PROX2: variants seen among roughly 807,000 people sequenced by gnomAD.
The protein encoded by PROX2 is prospero homeobox 2.
A neutral mutation model predicts 48.9 loss-of-function variants in PROX2; 46 were observed. That is an observed-to-expected ratio of 0.94 (90% CI 0.74 to 1.20). PROX2 has a LOEUF of 1.20. Ranked by LOEUF, PROX2 falls within the 50% of genes most tolerant of loss-of-function variation. The probability of loss-of-function intolerance (pLI) is 0.00; values close to 1 mark genes in which losing one functional copy is unlikely to be tolerated. For synonymous variants in PROX2, 260 were observed against 276.6 expected, an observed-to-expected ratio of 0.94 and a Z score of 0.60; for missense variants, 663 against 719.4, an observed-to-expected ratio of 0.92 and a Z score of 0.90.
In PROX2 at chr14:74,863,955, A is replaced by G; in HGVS notation, c.-121T>C. On this transcript the variant is annotated 5_prime_UTR_variant, in exon 3 of 6. Transcript: ENST00000556489. ...GAAGGGTAAAGAGCCACTGTCACTG[A>G]GGAAGGATTCAGATTCTGGGATGCC... The G allele has an allele frequency of 8.1e-7, 1 of 1,237,728 alleles. No individual in the cohort carries two copies. The highest frequency in any genetic ancestry group is 1.0e-6 in the Non-Finnish European group (1 of 973,432). 76.7% of individuals were successfully genotyped at this position (1,237,728 alleles called of 1,614,324 possible).
In PROX2 at chr14:74,863,140, C is replaced by G. The variant is rs766014714; in HGVS notation, c.695G>C (p.Arg232Thr). The change falls in exon 3 of 6, where the codon AGG (arginine) becomes ACG (threonine). Residue 232 changes from arginine (R) to threonine (T), a missense_variant. Coordinates refer to ENST00000556489, the MANE Select transcript of PROX2 (RefSeq NM_001243007.2). ...SLEILRKELT[R>T]AVSQAVDSVL... ...CGAGTCCACAGCCTGGGACACTGCCCTGGTCAGCTCTTTCCTCAGAATCTC... is the reference window on the plus strand; with the variant it reads ...CGAGTCCACAGCCTGGGACACTGCCGTGGTCAGCTCTTTCCTCAGAATCTC... 1 of 1,614,058 alleles carries G rather than the reference C, an allele frequency of 6.2e-7. No homozygotes were observed. The highest frequency in any genetic ancestry group is 1.3e-5 in the African/African-American group (1 of 75,054).
chr14:74,858,582 G>T, intron 3 of PROX2, 68 bp from the exon 4 acceptor site: 1 of 804,068 alleles, frequency 1.2e-6, no homozygotes, highest in Non-Finnish European at 2.0e-6. Flanking sequence ...TGAATTCCTT[G>T]TTCCTGTGGT....
chr14:74,857,119 C>A, intron 4 of PROX2, 124 bp from the exon 5 acceptor site: 3 of 720,058 alleles, frequency 4.2e-6, no homozygotes. Flanking sequence ...CAGGGGCTTC[C>A]TTTAAAAAAA....
chr14:74,861,543 G>A (rs548398732), intron 3 of PROX2, among the ~76,000 whole-genome samples: 8 of 152,210 alleles, frequency 5.3e-5, no homozygotes, highest in Non-Finnish European at 1.2e-4. Context: ...TAAGAGAGTA[G>A]TGTCTACTTA....
Position 74,858,478 on chromosome 14 carries a change from C to T in PROX2, c.1342G>A (p.Ala448Thr), listed in dbSNP as rs1180938285. ...CGTGTGAAGAAAAACATTAGTTTGG[C>T]CTTCTTCAAGTGACCAGGGTTTAGA... Reference protein sequence around the residue: ...EGLNPGHLKKAKLMFFFTRYP... With the variant: ...EGLNPGHLKKTKLMFFFTRYP... Residue 448 changes from alanine to threonine, a missense_variant, in exon 4 of 6, where the codon GCC (alanine) becomes ACC (threonine). Coordinates refer to ENST00000556489, the MANE Select transcript of PROX2 (RefSeq NM_001243007.2). 1.9e-6 allele frequency: 3 copies of T among 1,584,094 alleles called. No individual in the cohort carries two copies. The Admixed American group carries it at 5.4e-5, about 28-fold the overall frequency.
intron 1 of PROX2, chr14:74,873,621 C>G: frequency 3.5e-6 from 1 of 283,272 alleles, no homozygotes; most frequent in South Asian, 4.0e-5. Flanking sequence ...GGCCAAGGTG[C>G]CAGTCGCCTC....
At position 74,874,712 on chromosome 14, in the gene PROX2, C is replaced by T. The variant is rs144140142; in HGVS notation, c.-310+1183G>A. Among the ~76,000 whole-genome samples the T allele has an allele frequency of 2.9e-3, 446 of 152,218 alleles. 4 individuals are homozygous for T. The highest frequency in any genetic ancestry group is 0.01 in the African/African-American group (432 of 41,520). ...TGAAACGAAGAGGAAAGATATTGGA[C>T]CAGTTTGAGAGTTACTGACATTTTA... On this transcript the variant is annotated intron_variant, in intron 1 of 5. Coordinates refer to ENST00000556489, the MANE Select transcript of PROX2 (RefSeq NM_001243007.2).
intron 4 of PROX2, chr14:74,857,551 C>G (rs543899421): frequency 1.3e-5 from 2 of 152,518 alleles, no homozygotes; most frequent in East Asian, 3.8e-4. Flanking sequence ...ACCCAACACC[C>G]AAAGTAAAAG....
intron 1 of PROX2, among the ~76,000 whole-genome samples, chr14:74,874,730 A>C (rs565191804): frequency 1.3e-5 from 2 of 152,386 alleles, no homozygotes; most frequent in South Asian, 4.1e-4. Flanking sequence ...AGAGTTACTG[A>C]CATTTTATTT....
At chr14:74,855,510 C>T (rs1421860342) in intron 5 of PROX2, 1 of 394,884 alleles carries the variant, frequency 2.5e-6, no homozygotes, top group Non-Finnish European at 4.5e-6. Flanking sequence ...TGAGAAAGCC[C>T]TGGGAGAAGG....
At chr14:74,857,764 G>GTT (rs2091756776) in intron 4 of PROX2, 1 of 140,014 alleles carries the variant, frequency 7.1e-6, no homozygotes, top group Non-Finnish European at 1.6e-5. Context: ...GTTTGTTTTT[G>GTT]TGTGTTTTTT....
In PROX2 at chr14:74,862,642, G is replaced by A. The variant is rs1159897339; in HGVS notation, c.1193C>T (p.Pro398Leu). ...CAGATGGGCAGAGGTGAAAGGCAAG[G>A]GACACTGCTGCTGGCTCAGGACCAA... ...QPLVLSQQQC[P>L]LPFTSAHLES... The change falls in exon 3 of 6, where the codon CCC (proline) becomes CTC (leucine). Residue 398 changes from proline (P) to leucine (L), a missense_variant. Physicochemically the swap from Pro to Leu is moderately conservative, Grantham distance 98. Transcript: ENST00000556489. 3 of 1,614,016 alleles carry A rather than the reference G, an allele frequency of 1.9e-6. 1 individual carries two copies. The Admixed American group carries it at 5.0e-5, about 27-fold the overall frequency.
rs2091806619 is a variant in PROX2, at chr14:74,862,841, A to G, written c.994T>C (p.Phe332Leu). ...ATGTGGGAAGGTGCAGTCAAGGGAA[A>G]GTTTGCTGGGGGATCCTGACAGGGT... ...PKPCQDPPANFPLTAPSHIQE... is the reference protein window; with the variant it reads ...PKPCQDPPANLPLTAPSHIQE... The change falls in exon 3 of 6, where the codon TTT (phenylalanine) becomes CTT (leucine). Residue 332 changes from phenylalanine to leucine, a missense_variant. Phe to Leu is a conservative substitution (Grantham distance 22). Coordinates refer to ENST00000556489, the MANE Select transcript of PROX2 (RefSeq NM_001243007.2). 1.9e-6 allele frequency: 3 copies of G among 1,613,956 alleles called. No homozygotes were observed.
rs1214592153 is a variant in PROX2 at position 74,854,174 on chromosome 14, G to C, written c.*958C>G. The C allele has an allele frequency of 9.7e-6, 4 of 412,738 alleles. No individual in the cohort carries two copies. Among genetic ancestry groups the C allele is most frequent in the Non-Finnish European group, 2.0e-5 (4 of 203,826 alleles). 25.6% of individuals were successfully genotyped at this position (412,738 alleles called of 1,614,324 possible). A position where few individuals can be genotyped will look rare whatever the true frequency, so the allele number is the denominator to read the frequency against. On this transcript the variant is annotated 3_prime_UTR_variant, in exon 6 of 6. Coordinates refer to ENST00000556489, the MANE Select transcript of PROX2 (RefSeq NM_001243007.2). ...CACAGTCTGAAGTTCAGCTTCTTCT[G>C]CATATATGAGGTTGGGGCACCAATT...
chr14:74,869,488 G>A (rs1883159152), intron 2 of PROX2, among the ~76,000 whole-genome samples: 1 of 152,126 alleles, frequency 6.6e-6, no homozygotes, highest in Admixed American at 6.6e-5. Context: ...ATGGTGGTCA[G>A]GCTGGTCTCT....
chr14:74,858,778 TTGTGTGTGTGTG>T (rs3083647), intron 3 of PROX2: 73 of 214,424 alleles, frequency 3.4e-4, no homozygotes, highest in Admixed American at 5.1e-4. Context: ...TTGGTGTATT[TTGTGTGTGTGTG>T]TGTGTGTGTG....
intron 3 of PROX2, among the ~76,000 whole-genome samples, chr14:74,861,500 T>G (rs2140166670): frequency 6.6e-6 from 1 of 152,310 alleles, no homozygotes; most frequent in Admixed American, 6.5e-5. Flanking sequence ...TCAACAATTA[T>G]TAATATCCCG....
At chr14:74,865,240 A>G (rs796303763) in intron 2 of PROX2, 28 of 152,216 alleles carry the variant, frequency 1.8e-4, no homozygotes, top group African/African-American at 6.5e-4. Context: ...TTATTGAACA[A>G]CTATTTATTG....
intron 1 of PROX2, chr14:74,873,762 G>C: frequency 2.1e-6 from 1 of 476,880 alleles, no homozygotes; most frequent in South Asian, 1.6e-5. Flanking sequence ...GCTACTTCTA[G>C]AACAGTATCC....
Sources: allele counts gnomAD v4.1 joint callset (sites outside exome capture counted in the v4.1 genomes callset), GRCh38; gene constraint gnomAD v4.1.1; transcripts MANE v1.5; gene names NCBI Gene and HGNC (gene_info 2026-07-23, HGNC 2026-07-21).